The following TPO variants were observed in gnomAD, a reference collection of about 807,000 sequenced individuals.
TPO encodes the protein thyroid peroxidase.
In TPO, 78 loss-of-function variants were observed where a neutral mutation model predicts 96.9. That is an observed-to-expected ratio of 0.81 (90% confidence interval 0.67 to 0.97). TPO has a LOEUF of 0.97. Among genes scored for constraint, TPO ranks in the 50% least tolerant of loss-of-function variants. The pLI, the probability that TPO is intolerant of heterozygous loss-of-function variation, is 0.00. For synonymous variants in TPO, 547 were observed against 538.0 expected, an observed-to-expected ratio of 1.02 and a Z score of -0.23; for missense variants, 1,252 against 1,274.8, an observed-to-expected ratio of 0.98 and a Z score of 0.27.
intron 14 of TPO, among the ~76,000 whole-genome samples, chr2:1,508,118 C>T (rs1464558755): frequency 6.6e-6 from 1 of 152,008 alleles, no homozygotes; most frequent in Admixed American, 6.5e-5. Context: ...TTGTCAAAGG[C>T]CTTTTCTGCA....
At chr2:1,479,098 C>T (rs1000135514) in intron 8 of TPO, among the ~76,000 whole-genome samples, 5 of 152,234 alleles carry the variant, frequency 3.3e-5, no homozygotes, top group African/African-American at 9.6e-5. Context: ...AGACACTTTC[C>T]TGCTTCCCCG....
chr2:1,438,325 T>G (rs10495482), intron 5 of TPO, among the ~76,000 whole-genome samples: 7,974 of 152,218 alleles, frequency 0.052, 582 homozygotes, highest in African/African-American at 0.15. Context: ...GAGTCATACT[T>G]TCCATATGTT....
intron 15 of TPO, among the ~76,000 whole-genome samples, chr2:1,528,980 G>T (rs115290524): frequency 0.033 from 4,116 of 125,970 alleles, 106 homozygotes; most frequent in South Asian, 0.1. Flanking sequence ...CCCACTGTGA[G>T]TAACCTCCTA....
chr2:1,502,943 G>A (rs1673021345), intron 13 of TPO, among the ~76,000 whole-genome samples: 1 of 152,154 alleles, frequency 6.6e-6, no homozygotes, highest in Non-Finnish European at 1.5e-5. Context: ...GGAGCAGGTG[G>A]CCAGCCGACC....
intron 1 of TPO, among the ~76,000 whole-genome samples, chr2:1,379,361 G>T (rs376844352): frequency 2.0e-5 from 3 of 152,130 alleles, no homozygotes; most frequent in Non-Finnish European, 4.4e-5. Flanking sequence ...CTCTGATCTT[G>T]GTAGGAATGA....
At chr2:1,376,049 A>C (rs1323176723) in intron 1 of TPO, among the ~76,000 whole-genome samples, 1 of 152,246 alleles carries the variant, frequency 6.6e-6, no homozygotes, top group Non-Finnish European at 1.5e-5. Flanking sequence ...TGGGACACCC[A>C]GCACGTGCAT....
At chr2:1,481,070 G>A (rs1431458573) in intron 8 of TPO, among the ~76,000 whole-genome samples, 1 of 152,096 alleles carries the variant, frequency 6.6e-6, no homozygotes, top group African/African-American at 2.4e-5. Flanking sequence ...AGGAAGGGCT[G>A]ATAAAGTTGC....
chr2:1,499,599 C>T (rs1046876682), intron 13 of TPO, among the ~76,000 whole-genome samples: 19 of 139,568 alleles, frequency 1.4e-4, no homozygotes, highest in African/African-American at 4.9e-4. Flanking sequence ...ATCCCTGAGT[C>T]AGGGCTGCAG....
At chr2:1,422,337 C>CCTGGACCGACATTGTGCAGACGCCGCG (rs1663715029) in intron 2 of TPO, among the ~76,000 whole-genome samples, 9 of 83,188 alleles carry the variant, frequency 1.1e-4, no homozygotes, top group African/African-American at 3.7e-4. Flanking sequence ...AGGCGCCTCT[C>CCTGGACCGACATTGTGCAGACGCCGCG]CTGGACCGAC....
intron 7 of TPO, among the ~76,000 whole-genome samples, chr2:1,472,921 CTTTA>C (rs938325732): frequency 2.1e-5 from 3 of 145,776 alleles, no homozygotes; most frequent in African/African-American, 5.1e-5. Flanking sequence ...TAAAGTTGTC[CTTTA>C]TTTATCTTTT....
chr2:1,507,746 CTT>C (rs1673631252), intron 14 of TPO, among the ~76,000 whole-genome samples: 1 of 151,156 alleles, frequency 6.6e-6, no homozygotes, highest in Non-Finnish European at 1.5e-5. Context: ...TATCCTGAGA[CTT>C]TGCTGAAGTT....
intron 5 of TPO, among the ~76,000 whole-genome samples, chr2:1,452,771 G>C (rs1254414834): frequency 6.6e-6 from 1 of 152,168 alleles, no homozygotes; most frequent in African/African-American, 2.4e-5. Context: ...CAAAGGATTA[G>C]TTACCAATCT....
intron 14 of TPO, among the ~76,000 whole-genome samples, chr2:1,511,227 A>ACAGCCCTGCAGACTGGGGGTGCCACAGCC (rs1464349094): frequency 2.4e-5 from 3 of 124,608 alleles, no homozygotes; most frequent in African/African-American, 2.9e-5. Context: ...GTGCCACAGC[A>ACAGCCCTGCAGACTGGGGGTGCCACAGCC]AAGCCCTGCA....
chr2:1,499,370 A>C (rs1157441118), intron 13 of TPO, among the ~76,000 whole-genome samples: 1 of 151,992 alleles, frequency 6.6e-6, no homozygotes, highest in Non-Finnish European at 1.5e-5. Flanking sequence ...AAATTTTTTC[A>C]TTTATCTTCC....
At chr2:1,406,707 T>G (rs1662255221) in intron 1 of TPO, among the ~76,000 whole-genome samples, 1 of 152,196 alleles carries the variant, frequency 6.6e-6, no homozygotes, top group Non-Finnish European at 1.5e-5. Flanking sequence ...CCCTAGAAAC[T>G]CCTTCAGGGA....
In TPO at chr2:1,425,005, A is replaced by G. The variant is rs568070802; in HGVS notation, c.179+1876A>G. Among the ~76,000 whole-genome samples, 161 of 96,868 alleles carry G rather than the reference A, an allele frequency of 1.7e-3. 38 individuals are homozygous for G. The highest frequency in any genetic ancestry group is 5.9e-3 in the African/African-American group (152 of 25,840). The allele number at this position is 96,868 out of a possible 152,430, so 63.5% of individuals were successfully genotyped here. ...ATGCCGGGATACAGAGATGAGTTTG[A>G]TCATTTCATATCCTCAGAAGTCCGT... is the stretch of plus-strand genomic sequence containing the variant. On this transcript the variant is annotated intron_variant, in intron 3 of 16. Transcript: ENST00000329066.
chr2:1,387,286 G>T (rs973598300), intron 1 of TPO, among the ~76,000 whole-genome samples: 1 of 152,164 alleles, frequency 6.6e-6, no homozygotes, highest in Non-Finnish European at 1.5e-5. Flanking sequence ...TGTTCTCCTG[G>T]ATAATATACT....
chr2:1,479,377 A>G (rs1280905014), intron 8 of TPO, among the ~76,000 whole-genome samples: 3 of 152,184 alleles, frequency 2.0e-5, no homozygotes, highest in African/African-American at 7.2e-5. Flanking sequence ...TCATAAATAT[A>G]TGTAGAGTTT....
At chr2:1,486,627 A>G (rs1256347932) in intron 9 of TPO, among the ~76,000 whole-genome samples, 3 of 152,196 alleles carry the variant, frequency 2.0e-5, no homozygotes, top group Non-Finnish European at 4.4e-5. Flanking sequence ...ATGATGGGTT[A>G]CCTTTGGAAG....
Sources: gnomAD v4.1 joint callset for allele counts (sites outside exome capture counted in the v4.1 genomes callset) on GRCh38, gnomAD v4.1.1 for gene constraint, MANE v1.5 for transcripts, NCBI Gene and HGNC (gene_info 2026-07-23, HGNC 2026-07-21) for gene names.